Variants in DDTL observed in about 807,000 individuals in gnomAD.
The protein encoded by DDTL is D-dopachrome tautomerase like, also known as putative D-dopachrome decarboxylase-like protein.
DDTL carries 1 observed loss-of-function variant against 1.1 expected under a neutral mutation model. The ratio of observed to expected loss-of-function variants is 0.91; its 90% CI spans 0.32 to 4.31. DDTL has a LOEUF of 4.31. DDTL is among the 30% of genes most tolerant of loss of function. The probability of loss-of-function intolerance (pLI) is 0.17; values close to 1 mark genes in which losing one functional copy is unlikely to be tolerated. For synonymous variants in DDTL, 21 were observed against 16.6 expected (o/e 1.26, Z -0.64); for missense variants, 54 against 48.9 (o/e 1.10, Z -0.31).
intron 2 of DDTL, among the ~76,000 whole-genome samples, chr22:23,970,439 CCTGT>C (rs2033880173): frequency 6.6e-6 from 1 of 151,410 alleles, no homozygotes; most frequent in Non-Finnish European, 1.5e-5. Flanking sequence ...GAATTGTGTG[CCTGT>C]GTGTGACGGG....
At chr22:23,969,456 ACT>A in intron 2 of DDTL, 1 of 986,244 alleles carries the variant, frequency 1.0e-6, no homozygotes, top group Non-Finnish European at 1.2e-6. Flanking sequence ...CGATGAGGCT[ACT>A]GTGTTGAGTG....
At chr22:23,969,680 A>G (rs531743942) in intron 2 of DDTL, 2 of 979,290 alleles carry the variant, frequency 2.0e-6, no homozygotes, top group Non-Finnish European at 1.2e-6. Context: ...TTAGCCCAGC[A>G]TGGTGGCATG....
At position 23,972,082 on chromosome 22, in the gene DDTL, G is replaced by T. The variant is rs2033917450; in HGVS notation, c.*676G>T. ...TCAGAGGTAACAGCAAGTTTCCAGT[G>T]AGGAAAACCAGAACTTGGGACAGCC... is the stretch of plus-strand genomic sequence containing the variant. On this transcript the variant is annotated 3_prime_UTR_variant, in exon 3 of 3. Transcript: ENST00000215770. 2.5e-6 allele frequency: 2 copies of T among 787,000 alleles called. No homozygotes were observed. The highest frequency in any genetic ancestry group is 1.9e-5 in the African/African-American group (1 of 53,316). 48.8% of individuals were successfully genotyped at this position (787,000 alleles called of 1,614,324 possible).
rs916300889 is a variant in DDTL at position 23,972,438 on chromosome 22, C to T, written c.*1032C>T. ...TTTGCATGTAACCTACACACATCCT[C>T]TCATATACTTTAAATAATCTCTGGG... On this transcript the variant is annotated 3_prime_UTR_variant, in exon 3 of 3. Coordinates refer to ENST00000215770, the MANE Select transcript of DDTL (RefSeq NM_001084393.2). 4 of 143,936 alleles carry T rather than the reference C, an allele frequency of 2.8e-5. No individual in the cohort carries two copies. Among genetic ancestry groups the T allele is most frequent in the African/African-American group, 7.8e-5 (3 of 38,642 alleles). 8.9% of individuals were successfully genotyped at this position (143,936 alleles called of 1,614,324 possible).
At chr22:23,971,178 C>T in intron 2 of DDTL, 108 bp from the exon 3 acceptor site, 1 of 1,490,080 alleles carries the variant, frequency 6.7e-7, no homozygotes, top group Non-Finnish European at 9.0e-7. Flanking sequence ...CCCAGCTGGA[C>T]CAGCTGCTCA....
Position 23,971,268 on chromosome 22 carries a change from T to C in DDTL, c.285-18T>C. The C allele has an allele frequency of 6.2e-7, 1 of 1,606,554 alleles. No homozygotes were observed. Among genetic ancestry groups the C allele is most frequent in the Non-Finnish European group, 8.5e-7 (1 of 1,176,800 alleles). ...CTCCCAGCCCCAGATCTGAGCAGTC[T>C]AAATCATCCCCCTCCAGGTTCCCTA... On this transcript the variant is annotated intron_variant, in intron 2 of 2. Coordinates refer to ENST00000215770, the MANE Select transcript of DDTL (RefSeq NM_001084393.2).
At position 23,971,516 on chromosome 22, in the gene DDTL, C is replaced by G; in HGVS notation, c.*110C>G. The G allele has an allele frequency of 6.2e-7, 1 of 1,612,026 alleles. No homozygotes were observed. Among genetic ancestry groups the G allele is most frequent in the Non-Finnish European group, 8.5e-7 (1 of 1,178,718 alleles). Reference sequence around the variant, plus strand: ...AAGAGATCTCTCTGGAAGAAGCAGCCAGTTCACAGATGCCCTGGATCCCTC... The same window carrying G: ...AAGAGATCTCTCTGGAAGAAGCAGCGAGTTCACAGATGCCCTGGATCCCTC... On this transcript the variant is annotated 3_prime_UTR_variant, in exon 3 of 3. Coordinates refer to ENST00000215770, the MANE Select transcript of DDTL (RefSeq NM_001084393.2).
chr22:23,972,542 CTA>C lies in DDTL; in HGVS notation c.*1139_*1140del. ...AGGGAATAATGACAAGGAATAAAGT[CTA>C]TACGTATTTTCAGTATAGATGCAAT... On this transcript the variant is annotated 3_prime_UTR_variant, in exon 3 of 3. Coordinates refer to ENST00000215770, the MANE Select transcript of DDTL (RefSeq NM_001084393.2). 1 of 927,658 alleles carries C rather than the reference CTA, an allele frequency of 1.1e-6. No homozygotes were observed. The allele number at this position is 927,658 out of a possible 1,614,324, so 57.5% of individuals were successfully genotyped here. A position where few individuals can be genotyped will look rare whatever the true frequency, so the allele number is the denominator to read the frequency against.
In DDTL at chr22:23,971,675, C is replaced by G; in HGVS notation, c.*269C>G. 1.3e-6 allele frequency: 2 copies of G among 1,539,570 alleles called. No individual in the cohort carries two copies. The highest frequency in any genetic ancestry group is 8.9e-7 in the Non-Finnish European group (1 of 1,120,632). On this transcript the variant is annotated 3_prime_UTR_variant, in exon 3 of 3. Transcript: ENST00000215770. ...ATCAGCTCCTTGGCTAATACCACAT[C>G]TTGCAAGACCCCTGCCAGGTACTCC...
chr22:23,972,068 A>T lies in DDTL; in HGVS notation c.*662A>T. On this transcript the variant is annotated 3_prime_UTR_variant, in exon 3 of 3. Coordinates refer to ENST00000215770, the MANE Select transcript of DDTL (RefSeq NM_001084393.2). ...TGAACATGCCCCTCTCAGAGGTAACAGCAAGTTTCCAGTGAGGAAAACCAG... is the reference window on the plus strand; with the variant it reads ...TGAACATGCCCCTCTCAGAGGTAACTGCAAGTTTCCAGTGAGGAAAACCAG... The T allele has an allele frequency of 4.7e-6, 3 of 645,110 alleles. No homozygotes were observed. The highest frequency in any genetic ancestry group is 5.8e-6 in the Non-Finnish European group (3 of 519,018). The allele number at this position is 645,110 out of a possible 1,614,324, so 40.0% of individuals were successfully genotyped here.
chr22:23,971,667 TACC>T lies in DDTL; in HGVS notation c.*264_*266del. ...AAGATATCATCAGCTCCTTGGCTAA[TACC>T]ACATCTTGCAAGACCCCTGCCAGGT... On this transcript the variant is annotated 3_prime_UTR_variant, in exon 3 of 3. Transcript: ENST00000215770. 1.3e-6 allele frequency: 2 copies of T among 1,573,822 alleles called. No individual in the cohort carries two copies. Among genetic ancestry groups the T allele is most frequent in the Non-Finnish European group, 1.7e-6 (2 of 1,148,590 alleles).
chr22:23,971,195 C>T lies in DDTL; in HGVS notation c.285-91C>T. 2.0e-6 allele frequency: 3 copies of T among 1,514,206 alleles called. 1 individual carries two copies. The Admixed American group carries it at 6.7e-5, about 34-fold the overall frequency. 93.8% of individuals were successfully genotyped at this position (1,514,206 alleles called of 1,614,324 possible). On this transcript the variant is annotated intron_variant, in intron 2 of 2. Transcript: ENST00000215770. ...CAGCTGGACCAGCTGCTCACACCTTCCCACAGGCCTGCAGATGGGTGTGGA... is the reference window on the plus strand; with the variant it reads ...CAGCTGGACCAGCTGCTCACACCTTTCCACAGGCCTGCAGATGGGTGTGGA...
chr22:23,969,223 G>C, intron 2 of DDTL: 8 of 985,482 alleles, frequency 8.1e-6, no homozygotes, highest in Non-Finnish European at 9.6e-6. Flanking sequence ...CCTCAGCCAG[G>C]CTGTCCCAAG....
In DDTL at chr22:23,971,362, A is replaced by G. The variant is rs2033896665; in HGVS notation, c.361A>G (p.Lys121Glu). The G allele has an allele frequency of 6.2e-7, 1 of 1,614,022 alleles. No individual in the cohort carries two copies. Among genetic ancestry groups the G allele is most frequent in the African/African-American group, 1.3e-5 (1 of 74,926 alleles). ...CCCAGGAGAGATAATAGAAGGTAAG[A>G]AGTCATGTTTGAATGAGGAAGCTCT... is the stretch of plus-strand genomic sequence containing the variant. ...RCPGEIIEGK[K>E]SCLNEEALFI... The change falls in exon 3 of 3, where the codon AAG (lysine) becomes GAG (glutamate). Residue 121 changes from lysine to glutamate, a missense_variant. Physicochemically the swap from Lys to Glu is moderately conservative, Grantham distance 56. Transcript: ENST00000215770.
chr22:23,970,611 A>G (rs1311424606), intron 2 of DDTL, among the ~76,000 whole-genome samples: 2 of 152,052 alleles, frequency 1.3e-5, no homozygotes, highest in South Asian at 2.1e-4. Context: ...GACTGGGTGT[A>G]TATGTGTGTG....
intron 2 of DDTL, chr22:23,969,636 C>CA: frequency 1.0e-6 from 1 of 984,530 alleles, no homozygotes; most frequent in African/African-American, 1.7e-5. Flanking sequence ...CCCTGGGAAA[C>CA]AAAGTGCGAC....
chr22:23,970,924 G>A (rs1029664717), intron 2 of DDTL, among the ~76,000 whole-genome samples: 3 of 151,990 alleles, frequency 2.0e-5, no homozygotes, highest in East Asian at 3.9e-4. Context: ...GGAGGGAGTC[G>A]AAGCTTGCAA....
At chr22:23,969,501 C>A in intron 2 of DDTL, 2 of 985,938 alleles carry the variant, frequency 2.0e-6, no homozygotes, top group Non-Finnish European at 2.4e-6. Context: ...GATGTGCAGC[C>A]ACCATTCCAC....
chr22:23,971,304 C>T lies in DDTL; in HGVS notation c.303C>T (p.Ser101=). The T allele has an allele frequency of 6.2e-7, 1 of 1,613,836 alleles. No individual in the cohort carries two copies. Among genetic ancestry groups the T allele is most frequent in the Admixed American group, 1.7e-5 (1 of 59,970 alleles). ...CCTCCAGGTTCCCTACGGTCTTATC[C>T]ACCAGCCCTGCTGCCCATGGTGGCC... ...LGQDRFPTVL[S]TSPAAHGGPR... is the part of the protein sequence containing the mutation. The change falls in exon 3 of 3, where the codon TCC becomes TCT. Residue 101 remains serine, a synonymous_variant. Transcript: ENST00000215770.
Sources: allele counts gnomAD v4.1 joint callset (sites outside exome capture counted in the v4.1 genomes callset), GRCh38; gene constraint gnomAD v4.1.1; transcripts MANE v1.5; gene names NCBI Gene and HGNC (gene_info 2026-07-23, HGNC 2026-07-21).